Variants in LSAMP observed in about 807,000 individuals in gnomAD.
LSAMP encodes the protein limbic system associated membrane protein.
Under a neutral mutation model 38.6 loss-of-function variants are expected in LSAMP, and 7 were observed. The observed-to-expected ratio is 0.18, with a 90% CI of 0.10 to 0.34. The LOEUF (loss-of-function observed/expected upper bound fraction) is 0.34. Among genes scored for constraint, LSAMP ranks in the 10% least tolerant of loss-of-function variants. The pLI is 1.00. For missense variants in LSAMP, 313 were observed against 420.0 expected (o/e 0.75, Z 2.23); for synonymous variants, 154 against 166.8 (o/e 0.92, Z 0.59).
At chr3:116,237,706 A>T (rs959414634) in intron 1 of LSAMP, among the ~76,000 whole-genome samples, 2 of 152,100 alleles carry the variant, frequency 1.3e-5, no homozygotes, top group Non-Finnish European at 2.9e-5. Flanking sequence ...TTTGGAGAGG[A>T]TGATAAGTGA....
chr3:115,991,894 T>C (rs1462918850), intron 3 of LSAMP, among the ~76,000 whole-genome samples: 3 of 152,062 alleles, frequency 2.0e-5, no homozygotes, highest in African/African-American at 4.8e-5. Context: ...AATAAGGCCA[T>C]GCCATGCCCC....
chr3:116,287,478 G>A lies in LSAMP; in HGVS notation c.155+157399C>T, dbSNP rs533147338. Among the ~76,000 whole-genome samples the A allele has an allele frequency of 2.0e-5, 3 of 152,266 alleles. No individual in the cohort carries two copies. In the South Asian group the frequency reaches 6.2e-4, roughly 32 times the overall value. On this transcript the variant is annotated intron_variant, in intron 1 of 6. Coordinates refer to ENST00000490035, the MANE Select transcript of LSAMP (RefSeq NM_002338.5). Reference sequence around the variant, plus strand: ...TGTGCATTCGGAAGAGCAGCTGCCTGTAAAATGTTTATTCCTTTTTGTGTG... The same window carrying A: ...TGTGCATTCGGAAGAGCAGCTGCCTATAAAATGTTTATTCCTTTTTGTGTG...
chr3:116,155,578 T>C (rs1709727226), intron 1 of LSAMP, among the ~76,000 whole-genome samples: 1 of 152,016 alleles, frequency 6.6e-6, no homozygotes, highest in African/African-American at 2.4e-5. Context: ...TTGCCTGGCT[T>C]ATCACAAGTA....
chr3:116,182,322 C>A (rs966320510), intron 1 of LSAMP, among the ~76,000 whole-genome samples: 1 of 151,330 alleles, frequency 6.6e-6, no homozygotes, highest in Non-Finnish European at 1.5e-5. Flanking sequence ...AAATTAGTTA[C>A]CTCATTTATT....
intron 1 of LSAMP, among the ~76,000 whole-genome samples, chr3:116,306,771 C>T (rs2047490337): frequency 6.6e-6 from 1 of 151,978 alleles, no homozygotes; most frequent in Admixed American, 6.6e-5. Context: ...AAAGCAGGAA[C>T]ATTTTGAGTG....
chr3:116,023,807 T>C (rs1940706571), intron 2 of LSAMP, among the ~76,000 whole-genome samples: 1 of 152,204 alleles, frequency 6.6e-6, no homozygotes, highest in African/African-American at 2.4e-5. Flanking sequence ...TGATTGGCCC[T>C]GCTTATCTCT....
At chr3:115,993,645 A>G (rs1435049415) in intron 3 of LSAMP, among the ~76,000 whole-genome samples, 1 of 152,072 alleles carries the variant, frequency 6.6e-6, no homozygotes, top group Non-Finnish European at 1.5e-5. Flanking sequence ...AGACTTGAAC[A>G]TACATATTTT....
intron 1 of LSAMP, among the ~76,000 whole-genome samples, chr3:116,400,359 C>T (rs1251958730): frequency 6.6e-6 from 1 of 151,978 alleles, no homozygotes; most frequent in Non-Finnish European, 1.5e-5. Context: ...TTTCCTCTTT[C>T]TTTCTTCCTT....
At chr3:115,968,307 T>C (rs914173258) in intron 3 of LSAMP, among the ~76,000 whole-genome samples, 1 of 152,036 alleles carries the variant, frequency 6.6e-6, no homozygotes, top group East Asian at 1.9e-4. Flanking sequence ...GAGTTACACC[T>C]GAAGTGAGCT....
At chr3:116,444,797 CACACACACACACAA>C (rs1355796818) in intron 1 of LSAMP, 66 bp downstream of exon 1, 60 of 1,535,676 alleles carry the variant, frequency 3.9e-5, no homozygotes, top group African/African-American at 2.8e-4. Context: ...GACACACACA[CACACACACACACAA>C]ACACACACAC....
At chr3:116,248,325 C>T (rs1183515816) in intron 1 of LSAMP, among the ~76,000 whole-genome samples, 3 of 152,050 alleles carry the variant, frequency 2.0e-5, no homozygotes, top group Non-Finnish European at 4.4e-5. Context: ...TTTTAGGTAG[C>T]TATCATATCT....
At chr3:116,356,017 G>A (rs1226569295) in intron 1 of LSAMP, among the ~76,000 whole-genome samples, 1 of 152,160 alleles carries the variant, frequency 6.6e-6, no homozygotes, top group Non-Finnish European at 1.5e-5. Context: ...GAATAGTTCA[G>A]AGGTTCCTCA....
At chr3:115,974,504 A>T (rs1481667966) in intron 3 of LSAMP, among the ~76,000 whole-genome samples, 1 of 152,214 alleles carries the variant, frequency 6.6e-6, no homozygotes, top group African/African-American at 2.4e-5. Flanking sequence ...TCACAGACAT[A>T]TCTGTGACTA....
At chr3:115,987,744 T>C (rs1193752611) in intron 3 of LSAMP, among the ~76,000 whole-genome samples, 2 of 152,198 alleles carry the variant, frequency 1.3e-5, no homozygotes, top group African/African-American at 4.8e-5. Context: ...ATATACTGAA[T>C]TCTGGACCAC....
At chr3:116,241,480 C>T (rs1423265112) in intron 1 of LSAMP, among the ~76,000 whole-genome samples, 1 of 151,948 alleles carries the variant, frequency 6.6e-6, no homozygotes, top group Non-Finnish European at 1.5e-5. Flanking sequence ...GCAGGAGAAT[C>T]CGCTTGAACC....
At chr3:116,344,357 T>C (rs1024379972) in intron 1 of LSAMP, among the ~76,000 whole-genome samples, 1 of 151,564 alleles carries the variant, frequency 6.6e-6, no homozygotes, top group African/African-American at 2.4e-5. Flanking sequence ...GTAAGAAAAA[T>C]CTAAGTACAA....
At chr3:115,917,641 C>CTT (rs1397037815) in intron 3 of LSAMP, among the ~76,000 whole-genome samples, 3 of 144,614 alleles carry the variant, frequency 2.1e-5, no homozygotes, top group Non-Finnish European at 3.1e-5. Flanking sequence ...AATTAATGAC[C>CTT]TTTTTTTTTT....
chr3:115,810,379 T>G lies in LSAMP; in HGVS notation c.955A>C (p.Ser319Arg). 1 of 1,613,738 alleles carries G rather than the reference T, an allele frequency of 6.2e-7. No homozygotes were observed. The highest frequency in any genetic ancestry group is 8.5e-7 in the Non-Finnish European group (1 of 1,179,744). Residue 319 changes from serine to arginine, a missense_variant, in exon 7 of 7, where the codon AGT becomes CGT. By Grantham distance (110) the Ser-to-Arg change is moderately radical. Transcript: ENST00000490035. ...AGCAGCCACAGTGGTACGGCCAGAC[T>G]GATGGATCCATTTATTCCTCTCACC... ...GSVRGINGSISLAVPLWLLAA... is the reference protein window; with the variant it reads ...GSVRGINGSIRLAVPLWLLAA...
chr3:115,900,421 C>T (rs1936844085), intron 3 of LSAMP, among the ~76,000 whole-genome samples: 1 of 145,580 alleles, frequency 6.9e-6, no homozygotes, highest in Non-Finnish European at 1.5e-5. Flanking sequence ...GGGGCTGAGG[C>T]AGGAGAAACT....
Sources: allele counts gnomAD v4.1 joint callset (sites outside exome capture counted in the v4.1 genomes callset), GRCh38; gene constraint gnomAD v4.1.1; transcripts MANE v1.5; gene names NCBI Gene and HGNC (gene_info 2026-07-23, HGNC 2026-07-21).